The following CMC2 variants were observed in gnomAD, a reference collection of about 807,000 sequenced individuals.
The protein encoded by CMC2 is C-X9-C motif containing 2, also known as COX assembly mitochondrial protein 2 homolog.
CMC2 carries 5 observed loss-of-function variants against 7.5 expected under a neutral mutation model. That is an observed-to-expected ratio of 0.66 (90% CI 0.35 to 1.40). CMC2 has a LOEUF of 1.40. Among genes scored for constraint, CMC2 ranks in the 40% most tolerant of loss-of-function variants. The pLI is 0.04. For synonymous variants in CMC2, 37 were observed against 31.4 expected, an observed-to-expected ratio of 1.18 and a Z score of -0.60; for missense variants, 115 against 92.3, an observed-to-expected ratio of 1.25 and a Z score of -1.01.
At chr16:80,978,823 T>G (rs1306373667) in intron 3 of CMC2, among the ~76,000 whole-genome samples, 1 of 152,190 alleles carries the variant, frequency 6.6e-6, no homozygotes, top group Non-Finnish European at 1.5e-5. Context: ...GGCTCACGCC[T>G]GTAACCCCAG....
At chr16:81,002,751 T>C (rs757449961) in intron 1 of CMC2, among the ~76,000 whole-genome samples, 2 of 152,234 alleles carry the variant, frequency 1.3e-5, no homozygotes, top group Admixed American at 1.3e-4. Context: ...AGGGTACCAA[T>C]AAAACGTCTT....
At chr16:81,002,816 T>C (rs1192674671) in intron 1 of CMC2, among the ~76,000 whole-genome samples, 1 of 152,214 alleles carries the variant, frequency 6.6e-6, no homozygotes, top group Non-Finnish European at 1.5e-5. Context: ...AATAATTGTA[T>C]ATATTTATAA....
At chr16:80,999,920 C>T (rs1255783038) in intron 1 of CMC2, among the ~76,000 whole-genome samples, 1 of 152,166 alleles carries the variant, frequency 6.6e-6, no homozygotes. Context: ...TACAGATTTA[C>T]ACAGAATGCC....
rs528055760 is a variant in CMC2 at position 80,981,668 on chromosome 16, G to C, written c.153+138C>G. On this transcript the variant is annotated intron_variant, in intron 3 of 3. Transcript: ENST00000219400. ...AAGCTTTCATTTCTTCCCCTAAACA[G>C]AGGAAGTTCATACATGTAAAGTCAA... 1,298 of 561,998 alleles carry C rather than the reference G, an allele frequency of 2.3e-3. 3 individuals are homozygous for C. Among genetic ancestry groups the C allele is most frequent in the Non-Finnish European group, 3.4e-3 (1,101 of 323,254 alleles). 34.8% of individuals were successfully genotyped at this position (561,998 alleles called of 1,614,324 possible). A position where few individuals can be genotyped will look rare whatever the true frequency, so the allele number is the denominator to read the frequency against.
chr16:80,992,700 C>T (rs1014948034), intron 2 of CMC2, among the ~76,000 whole-genome samples: 4 of 111,950 alleles, frequency 3.6e-5, no homozygotes, highest in Non-Finnish European at 5.2e-5. Flanking sequence ...CTCTTATTCC[C>T]CCTCCTTTTT....
At chr16:80,981,180 T>A (rs1967087030) in intron 3 of CMC2, among the ~76,000 whole-genome samples, 2 of 151,710 alleles carry the variant, frequency 1.3e-5, no homozygotes, top group South Asian at 2.1e-4. Flanking sequence ...AAATCTGATG[T>A]ATGAAACAGA....
At position 80,976,046 on chromosome 16, in the gene CMC2, G is replaced by C. The variant is rs772990731; in HGVS notation, c.*47C>G. 5 of 1,051,936 alleles carry C rather than the reference G, an allele frequency of 4.8e-6. No homozygotes were observed. The highest frequency in any genetic ancestry group is 4.7e-5 in the African/African-American group (3 of 63,614). 65.2% of individuals were successfully genotyped at this position (1,051,936 alleles called of 1,614,324 possible). A position where few individuals can be genotyped will look rare whatever the true frequency, so the allele number is the denominator to read the frequency against. ...CAGGATTCTTTCAGGTATCAACCCA[G>C]AGTCTTTAGGTCTTCTCTCAGCCAA... is the stretch of plus-strand genomic sequence containing the variant. On this transcript the variant is annotated 3_prime_UTR_variant, in exon 4 of 4. Transcript: ENST00000219400.
Position 80,970,667 on chromosome 16 carries a change from T to C in CMC2, c.*5426A>G, listed in dbSNP as rs1045195830. The C allele has an allele frequency of 2.0e-4, 30 of 152,302 alleles. No individual in the cohort carries two copies. The highest frequency in any genetic ancestry group is 7.0e-4 in the African/African-American group (29 of 41,552). 9.4% of individuals were successfully genotyped at this position (152,302 alleles called of 1,614,324 possible). ...TTCAAAAGTGATGTGACTGTCTACA[T>C]AGAAAAATCTAAAATAATCTATAGG... On this transcript the variant is annotated 3_prime_UTR_variant, in exon 4 of 4. Transcript: ENST00000219400.
chr16:80,985,759 C>T (rs75502318), intron 2 of CMC2, among the ~76,000 whole-genome samples: 262 of 152,044 alleles, frequency 1.7e-3, no homozygotes, highest in Non-Finnish European at 2.3e-3. Context: ...GAAAAGGAAA[C>T]GACCAACTAA....
chr16:80,984,268 G>A lies in CMC2; in HGVS notation c.82-2391C>T, dbSNP rs1407873046. 3.9e-5 allele frequency among the ~76,000 whole-genome samples: 6 copies of A among 152,270 alleles called. No homozygotes were observed. In the East Asian group the frequency reaches 7.7e-4, roughly 20 times the overall value. ...TTTTCAAGGGTGGGTCAGACAGCAT[G>A]GTGATCTGTTTTATAATGACAGGTC... On this transcript the variant is annotated intron_variant, in intron 2 of 3. Coordinates refer to ENST00000219400, the MANE Select transcript of CMC2 (RefSeq NM_020188.5).
intron 2 of CMC2, 166 bp downstream of exon 2, chr16:80,997,148 G>A (rs1032707399): frequency 9.9e-6 from 6 of 606,968 alleles, no homozygotes; most frequent in African/African-American, 7.4e-5. Flanking sequence ...GGTAGTTTGT[G>A]TAAAAAAAAG....
intron 1 of CMC2, among the ~76,000 whole-genome samples, chr16:81,002,585 G>T (rs950098848): frequency 6.6e-6 from 1 of 152,178 alleles, no homozygotes; most frequent in African/African-American, 2.4e-5. Context: ...GTACTGAAAT[G>T]ATTTCTTTAA....
intron 1 of CMC2, among the ~76,000 whole-genome samples, chr16:81,001,867 A>G (rs1024628122): frequency 1.3e-5 from 2 of 151,716 alleles, no homozygotes; most frequent in Admixed American, 1.3e-4. Flanking sequence ...CACACACACC[A>G]CAGCTGAAGA....
intron 2 of CMC2, among the ~76,000 whole-genome samples, chr16:80,990,658 T>C (rs866306050): frequency 6.6e-6 from 1 of 152,348 alleles, no homozygotes; most frequent in South Asian, 2.1e-4. Context: ...AATACTGTTT[T>C]GTCCTTTGAC....
chr16:81,006,884 T>TCCCCGCC lies in CMC2; in HGVS notation c.-187_-186insGGCGGGG. ...TCCACCGCTCCACCGTGCTCCCGGC[T>TCCCCGCC]CCTCGCCCCCGCCGCCCGCGGGCCC... On this transcript the variant is annotated 5_prime_UTR_variant, in exon 1 of 4. Coordinates refer to ENST00000219400, the MANE Select transcript of CMC2 (RefSeq NM_020188.5). The TCCCCGCC allele has an allele frequency of 1.0e-6, 1 of 985,552 alleles. No individual in the cohort carries two copies. The highest frequency in any genetic ancestry group is 1.2e-6 in the Non-Finnish European group (1 of 830,052). The allele number at this position is 985,552 out of a possible 1,614,324, so 61.1% of individuals were successfully genotyped here.
rs1911875126 is a variant in CMC2, at chr16:80,971,008, G to A, written c.*5085C>T. 6.6e-6 allele frequency: 1 copy of A among 152,126 alleles called. No individual in the cohort carries two copies. The highest frequency in any genetic ancestry group is 2.1e-4 in the South Asian group (1 of 4,830). 9.4% of individuals were successfully genotyped at this position (152,126 alleles called of 1,614,324 possible). A position where few individuals can be genotyped will look rare whatever the true frequency, so the allele number is the denominator to read the frequency against. On this transcript the variant is annotated 3_prime_UTR_variant, in exon 4 of 4. Coordinates refer to ENST00000219400, the MANE Select transcript of CMC2 (RefSeq NM_020188.5). Reference sequence around the variant, plus strand: ...AAATTAGCAGGGCATGGTGGCACATGCCTGTAGTCCCAGCCACTCAGGAGG... The same window carrying A: ...AAATTAGCAGGGCATGGTGGCACATACCTGTAGTCCCAGCCACTCAGGAGG...
chr16:81,006,582 G>T, intron 1 of CMC2, 152 bp downstream of exon 1: 2 of 452,476 alleles, frequency 4.4e-6, no homozygotes, highest in Non-Finnish European at 5.8e-6. Flanking sequence ...CAGCGCAGCA[G>T]CCCGGCTGTG....
In CMC2 at chr16:80,973,960, T is replaced by C. The variant is rs1597202880; in HGVS notation, c.*2133A>G. Reference sequence around the variant, plus strand: ...CTGCTCTTATGGTCAGCTACTGACATTGGCCTACAGGGCCTTAGCTGGCAT... The same window carrying C: ...CTGCTCTTATGGTCAGCTACTGACACTGGCCTACAGGGCCTTAGCTGGCAT... On this transcript the variant is annotated 3_prime_UTR_variant, in exon 4 of 4. Coordinates refer to ENST00000219400, the MANE Select transcript of CMC2 (RefSeq NM_020188.5). The C allele has an allele frequency of 6.6e-6, 1 of 152,216 alleles. No individual in the cohort carries two copies. The highest frequency in any genetic ancestry group is 2.1e-4 in the South Asian group (1 of 4,836). 9.4% of individuals were successfully genotyped at this position (152,216 alleles called of 1,614,324 possible). A position where few individuals can be genotyped will look rare whatever the true frequency, so the allele number is the denominator to read the frequency against.
intron 2 of CMC2, among the ~76,000 whole-genome samples, chr16:80,984,469 G>A (rs1597228408): frequency 6.6e-6 from 1 of 151,988 alleles, no homozygotes; most frequent in African/African-American, 2.4e-5. Context: ...CTGAATAAGT[G>A]GTCAGTTTTT....
Sources: gnomAD v4.1 joint callset for allele counts (sites outside exome capture counted in the v4.1 genomes callset) on GRCh38, gnomAD v4.1.1 for gene constraint, MANE v1.5 for transcripts, NCBI Gene and HGNC (gene_info 2026-07-23, HGNC 2026-07-21) for gene names.